The following PDZD2 variants were observed in gnomAD, a reference collection of about 807,000 sequenced individuals.
PDZD2 encodes PDZ domain containing 2, also known as PDZ domain-containing protein 2.
PDZD2 carries 90 observed loss-of-function variants against 220.7 expected under a neutral mutation model. The observed-to-expected ratio is 0.41, with a 90% CI of 0.34 to 0.49. PDZD2 has a LOEUF of 0.49. Ranked by LOEUF, PDZD2 falls within the 20% of genes least tolerant of loss-of-function variation. The pLI is 0.28. For synonymous variants in PDZD2, 1,375 were observed against 1,450.5 expected, an observed-to-expected ratio of 0.95 and a Z score of 1.18; for missense variants, 3,174 against 3,608.5, an observed-to-expected ratio of 0.88 and a Z score of 3.08.
intron 2 of PDZD2, among the ~76,000 whole-genome samples, chr5:31,816,612 T>G (rs1345172872): frequency 6.6e-6 from 1 of 152,194 alleles, no homozygotes; most frequent in Non-Finnish European, 1.5e-5. Context: ...GATGCATCTT[T>G]AAAATCTTGA....
intron 2 of PDZD2, among the ~76,000 whole-genome samples, chr5:31,892,060 A>T (rs1394646): frequency 0.18 from 27,010 of 151,598 alleles, 3,049 homozygotes; most frequent in East Asian, 0.39. Context: ...ACAGGTGTGC[A>T]CCACCATGCC....
chr5:32,013,831 T>TGGAACC (rs2112098888), intron 6 of PDZD2, among the ~76,000 whole-genome samples: 1 of 152,070 alleles, frequency 6.6e-6, no homozygotes, highest in South Asian at 2.1e-4. Context: ...ACGGAGGAGG[T>TGGAACC]GGAACCGGGC....
At chr5:31,945,599 A>G (rs1486318503) in intron 2 of PDZD2, among the ~76,000 whole-genome samples, 1 of 151,974 alleles carries the variant, frequency 6.6e-6, no homozygotes, top group African/African-American at 2.4e-5. Flanking sequence ...TGGCTTTACT[A>G]GATTCCCTTG....
At chr5:31,913,138 G>A (rs994561311) in intron 2 of PDZD2, among the ~76,000 whole-genome samples, 1 of 152,164 alleles carries the variant, frequency 6.6e-6, no homozygotes, top group African/African-American at 2.4e-5. Flanking sequence ...GAAGGCTGAG[G>A]CGGGTGGATT....
chr5:31,842,933 G>C (rs2150286329), intron 2 of PDZD2, among the ~76,000 whole-genome samples: 1 of 152,120 alleles, frequency 6.6e-6, no homozygotes, highest in East Asian at 1.9e-4. Flanking sequence ...CCAGGCTGGA[G>C]TGCAATGGTG....
At chr5:32,067,712 CTT>C (rs771497280) in intron 14 of PDZD2, among the ~76,000 whole-genome samples, 1 of 152,070 alleles carries the variant, frequency 6.6e-6, no homozygotes, top group Non-Finnish European at 1.5e-5. Flanking sequence ...TCCACATTTT[CTT>C]ACTATTTTAA....
chr5:32,090,327 A>T lies in PDZD2; in HGVS notation c.6879A>T (p.Thr2293=). The T allele has an allele frequency of 6.2e-7, 1 of 1,614,220 alleles. No homozygotes were observed. The highest frequency in any genetic ancestry group is 8.5e-7 in the Non-Finnish European group (1 of 1,180,022). The change falls in exon 20 of 25, where the codon ACA becomes ACT. Residue 2293 remains threonine (T), a synonymous_variant. Coordinates refer to ENST00000438447, the MANE Select transcript of PDZD2 (RefSeq NM_178140.4). The surrounding 1 kb of genome is among the most constrained non-coding windows in gnomAD (Gnocchi z 4.3). ...ACACATCGAGGAATCTTCCAGCCAC[A>T]GATGAAGGGGATATCATTTCAGTCC... The part of the protein sequence containing the change: ...LLDTSRNLPA[T]DEGDIISVQE...
chr5:31,948,872 G>T (rs1746904298), intron 2 of PDZD2, among the ~76,000 whole-genome samples: 1 of 151,976 alleles, frequency 6.6e-6, no homozygotes, highest in African/African-American at 2.4e-5. Flanking sequence ...GCCAAGGAGG[G>T]TGGATCGCCT....
At chr5:31,867,525 C>T (rs1561524583) in intron 2 of PDZD2, among the ~76,000 whole-genome samples, 1 of 152,170 alleles carries the variant, frequency 6.6e-6, no homozygotes, top group Non-Finnish European at 1.5e-5. Flanking sequence ...TGCTGCTACA[C>T]GGAGATCGGT....
intron 21 of PDZD2, among the ~76,000 whole-genome samples, chr5:32,095,904 C>CT (rs78609791): frequency 0.03 from 3,603 of 121,298 alleles, 112 homozygotes; most frequent in African/African-American, 0.071. Flanking sequence ...CCATGCCCGG[C>CT]TTTTTTTTTT....
intron 1 of PDZD2, among the ~76,000 whole-genome samples, chr5:31,689,353 A>ATATATAT: frequency 5.7e-5 from 2 of 35,142 alleles, no homozygotes; most frequent in African/African-American, 2.1e-4. Flanking sequence ...ATATATATAT[A>ATATATAT]TTTTTTTTTT....
chr5:31,888,338 G>A (rs1413737665), intron 2 of PDZD2, among the ~76,000 whole-genome samples: 2 of 152,074 alleles, frequency 1.3e-5, no homozygotes, highest in Non-Finnish European at 1.5e-5. Context: ...GATTACAGGC[G>A]TGCCGCCATG....
At chr5:31,713,812 G>T (rs895909044) in intron 1 of PDZD2, among the ~76,000 whole-genome samples, 1 of 152,144 alleles carries the variant, frequency 6.6e-6, no homozygotes, top group African/African-American at 2.4e-5. Context: ...CTCCCAAAGC[G>T]CTGGGATTAC....
In PDZD2 at chr5:32,029,546, C is replaced by T. The variant is rs374770608; in HGVS notation, c.1408-7685C>T. On this transcript the variant is annotated intron_variant, in intron 6 of 24. Coordinates refer to ENST00000438447, the MANE Select transcript of PDZD2 (RefSeq NM_178140.4). The stretch of plus-strand genomic sequence containing the variant: ...CCCCTTTCCCCTGCAAGTCCTGTGG[C>T]GGTGACACAGGCTCGGGGGTGTGCA... Among the ~76,000 whole-genome samples, 12 of 152,058 alleles carry T rather than the reference C, an allele frequency of 7.9e-5. No individual in the cohort carries two copies. The East Asian group carries it at 1.2e-3, about 15-fold the overall frequency.
intron 9 of PDZD2, among the ~76,000 whole-genome samples, chr5:32,053,268 C>T (rs1254873165): frequency 6.6e-6 from 1 of 152,144 alleles, no homozygotes; most frequent in Non-Finnish European, 1.5e-5. Flanking sequence ...CCTTGGTTAT[C>T]CTTTTGAATG....
At chr5:31,899,899 T>C (rs1192084749) in intron 2 of PDZD2, among the ~76,000 whole-genome samples, 1 of 152,234 alleles carries the variant, frequency 6.6e-6, no homozygotes, top group African/African-American at 2.4e-5. Context: ...GCCGGGGCCT[T>C]GATCTTGGGC....
chr5:31,974,094 T>C (rs970662722), intron 2 of PDZD2, among the ~76,000 whole-genome samples: 19 of 152,288 alleles, frequency 1.2e-4, no homozygotes, highest in African/African-American at 3.1e-4. Context: ...AATTCTCCTG[T>C]TTCAGCCTCC....
In PDZD2 at chr5:32,087,483, C is replaced by A; in HGVS notation, c.4035C>A (p.Leu1345=). ...PAGAVLPGDP[L]TSQEQRQGAP... The stretch of plus-strand genomic sequence containing the variant: ...GTGCTGTCCTGCCAGGAGACCCCCT[C>A]ACATCCCAGGAGCAGAGACAGGGAG... Residue 1345 remains leucine, a synonymous_variant, in exon 20 of 25, where the codon CTC becomes CTA. Transcript: ENST00000438447. This position sits in a 1 kb window ranked among gnomAD's most constrained non-coding sequence, Gnocchi z 4.0. 6.2e-7 allele frequency: 1 copy of A among 1,613,486 alleles called. No individual in the cohort carries two copies. Among genetic ancestry groups the A allele is most frequent in the Non-Finnish European group, 8.5e-7 (1 of 1,179,670 alleles).
At chr5:31,975,111 G>A (rs1749631868) in intron 2 of PDZD2, among the ~76,000 whole-genome samples, 1 of 152,192 alleles carries the variant, frequency 6.6e-6, no homozygotes, top group Non-Finnish European at 1.5e-5. Flanking sequence ...TTGTAATGAA[G>A]AAGACATATT....
Sources: allele counts gnomAD v4.1 joint callset (sites outside exome capture counted in the v4.1 genomes callset), GRCh38; gene constraint gnomAD v4.1.1; non-coding constraint Gnocchi (gnomAD v3.1); transcripts MANE v1.5; gene names NCBI Gene and HGNC (gene_info 2026-07-23, HGNC 2026-07-21).